CATSPER3: variants seen among roughly 807,000 people sequenced by gnomAD.
CATSPER3 encodes the protein cation channel sperm-associated protein 3.
A neutral mutation model predicts 36.6 loss-of-function variants in CATSPER3; 23 were observed. That is an observed-to-expected ratio of 0.63 (90% CI 0.45 to 0.89). The LOEUF is 0.89. Ranked by LOEUF, CATSPER3 falls within the 40% of genes least tolerant of loss-of-function variation. The pLI, the probability that CATSPER3 is intolerant of heterozygous loss-of-function variation, is 0.00. For synonymous variants in CATSPER3, 172 were observed against 184.1 expected, an observed-to-expected ratio of 0.93 and a Z score of 0.53; for missense variants, 474 against 503.9, an observed-to-expected ratio of 0.94 and a Z score of 0.57.
In CATSPER3 at chr5:135,011,662, C is replaced by G; in HGVS notation, c.*39C>G. On this transcript the variant is annotated 3_prime_UTR_variant, in exon 8 of 8. Transcript: ENST00000282611. ...ACCCATGTGCCGAGAGCCTTGCAGA[C>G]CATGACAGGTCCCTATTAAACACAG... 7.3e-7 allele frequency: 1 copy of G among 1,361,760 alleles called. No homozygotes were observed. The highest frequency in any genetic ancestry group is 1.4e-5 in the African/African-American group (1 of 69,660). 84.4% of individuals were successfully genotyped at this position (1,361,760 alleles called of 1,614,324 possible).
chr5:134,971,571 A>T (rs1751607428), intron 2 of CATSPER3, among the ~76,000 whole-genome samples: 1 of 152,200 alleles, frequency 6.6e-6, no homozygotes. Context: ...GGAAGCCATT[A>T]TTTATTTATT....
chr5:134,993,989 G>A (rs1751913883), intron 2 of CATSPER3, among the ~76,000 whole-genome samples: 1 of 152,192 alleles, frequency 6.6e-6, no homozygotes, highest in South Asian at 2.1e-4. Context: ...GCCAGGCGTG[G>A]TGGCAGGTGC....
intron 3 of CATSPER3, among the ~76,000 whole-genome samples, chr5:135,007,568 C>G (rs1323560783): frequency 6.6e-6 from 1 of 152,218 alleles, no homozygotes; most frequent in Non-Finnish European, 1.5e-5. Context: ...TCCTCCTGGG[C>G]CCGGGGCAGA....
At chr5:135,007,303 T>C (rs369285251) in intron 3 of CATSPER3, among the ~76,000 whole-genome samples, 26 of 152,318 alleles carry the variant, frequency 1.7e-4, no homozygotes, top group African/African-American at 6.3e-4. Context: ...GTGAAACGTC[T>C]AGGTAGGTGA....
At chr5:134,973,347 T>C (rs1317600757) in intron 2 of CATSPER3, among the ~76,000 whole-genome samples, 2 of 152,180 alleles carry the variant, frequency 1.3e-5, no homozygotes, top group African/African-American at 4.8e-5. Flanking sequence ...AGTTTCAAAA[T>C]CATTTTCAGT....
At chr5:134,968,546 C>T (rs950918759) in intron 1 of CATSPER3, 3 of 213,632 alleles carry the variant, frequency 1.4e-5, no homozygotes, top group African/African-American at 7.1e-5. Flanking sequence ...CACAGATTAG[C>T]CCGGAGTGAT....
Position 134,969,955 on chromosome 5 carries a change from T to C in CATSPER3, c.115T>C (p.Cys39Arg), listed in dbSNP as rs1561456195. The change falls in exon 2 of 8, where the codon TGT (cysteine) becomes CGT (arginine). Residue 39 changes from cysteine to arginine, a missense_variant. Coordinates refer to ENST00000282611, the MANE Select transcript of CATSPER3 (RefSeq NM_178019.3). ...FKKFKRNDDECRAFVKRVIMS... is the reference protein window; with the variant it reads ...FKKFKRNDDERRAFVKRVIMS... ...TTTTGACAGGAGGAACGATGATGAA[T>C]GTCGGGCATTTGTGAAGAGAGTCAT... is the stretch of plus-strand genomic sequence containing the variant. 1 of 1,614,044 alleles carries C rather than the reference T, an allele frequency of 6.2e-7. No homozygotes were observed. Among genetic ancestry groups the C allele is most frequent in the Non-Finnish European group, 8.5e-7 (1 of 1,180,032 alleles).
At chr5:134,969,834 A>G in intron 1 of CATSPER3, 105 bp from the exon 2 acceptor site, 1 of 1,155,750 alleles carries the variant, frequency 8.7e-7, no homozygotes, top group South Asian at 1.2e-5. Context: ...ATTTATATTC[A>G]CACAAGGGAG....
At chr5:135,009,551 G>C in intron 6 of CATSPER3, 61 bp downstream of exon 6, 1 of 1,583,054 alleles carries the variant, frequency 6.3e-7, no homozygotes, top group Non-Finnish European at 8.7e-7. Flanking sequence ...CTGATGAGAT[G>C]GCCAGGAGGA....
intron 3 of CATSPER3, among the ~76,000 whole-genome samples, chr5:135,004,135 C>T (rs1438163438): frequency 1.3e-5 from 2 of 152,266 alleles, no homozygotes; most frequent in Admixed American, 6.5e-5. Context: ...CCCCCACCCG[C>T]ATTCAGTTGC....
Position 135,011,560 on chromosome 5 carries a change from C to G in CATSPER3, c.1134C>G (p.Ser378Arg). ...ACTATGAGATCGTGCATGTGCTGAGCCTAATGCTGGAAGACTTGCCCCAGG... is the reference window on the plus strand; with the variant it reads ...ACTATGAGATCGTGCATGTGCTGAGGCTAATGCTGGAAGACTTGCCCCAGG... ...ELYYEIVHVL[S>R]LMLEDLPQEK... The change falls in exon 8 of 8, where the codon AGC becomes AGG. Residue 378 changes from serine (S) to arginine (R), a missense_variant. Ser to Arg is a moderately radical substitution (Grantham distance 110). Coordinates refer to ENST00000282611, the MANE Select transcript of CATSPER3 (RefSeq NM_178019.3). 2 of 1,614,058 alleles carry G rather than the reference C, an allele frequency of 1.2e-6. No individual in the cohort carries two copies. Among genetic ancestry groups the G allele is most frequent in the Non-Finnish European group, 1.7e-6 (2 of 1,179,942 alleles).
At chr5:134,972,576 T>C (rs2149545124) in intron 2 of CATSPER3, among the ~76,000 whole-genome samples, 1 of 152,240 alleles carries the variant, frequency 6.6e-6, no homozygotes, top group South Asian at 2.1e-4. Flanking sequence ...TGTAGGAAAT[T>C]TTTTAAATCA....
intron 2 of CATSPER3, 102 bp downstream of exon 2, chr5:134,970,194 C>G: frequency 8.4e-7 from 1 of 1,187,160 alleles, no homozygotes; most frequent in Non-Finnish European, 1.2e-6. Flanking sequence ...GAATCTCACT[C>G]TGTCAGGCTG....
intron 2 of CATSPER3, among the ~76,000 whole-genome samples, chr5:134,988,144 G>T (rs903982061): frequency 6.6e-6 from 1 of 152,134 alleles, no homozygotes; most frequent in African/African-American, 2.4e-5. Flanking sequence ...AATAGCATTA[G>T]ATCTTAAAAA....
At chr5:135,007,723 T>C (rs1752108250) in intron 3 of CATSPER3, among the ~76,000 whole-genome samples, 1 of 152,238 alleles carries the variant, frequency 6.6e-6, no homozygotes, top group African/African-American at 2.4e-5. Flanking sequence ...GGTAAAGCAC[T>C]GTTAAATTGA....
intron 2 of CATSPER3, among the ~76,000 whole-genome samples, chr5:134,992,750 G>A (rs918581901): frequency 1.3e-5 from 2 of 152,114 alleles, no homozygotes; most frequent in Non-Finnish European, 2.9e-5. Flanking sequence ...AACAACAAAT[G>A]GACACTAACA....
chr5:134,974,898 A>G (rs1287684790), intron 2 of CATSPER3, among the ~76,000 whole-genome samples: 1 of 152,086 alleles, frequency 6.6e-6, no homozygotes. Context: ...TGAGGAGCCT[A>G]AACCCTCTGT....
chr5:134,979,304 T>C (rs567985350), intron 2 of CATSPER3, among the ~76,000 whole-genome samples: 10 of 152,128 alleles, frequency 6.6e-5, no homozygotes, highest in Non-Finnish European at 1.2e-4. Flanking sequence ...GCCCAGCTAA[T>C]TTTTGTATGT....
At chr5:134,968,355 C>T (rs896596559) in intron 1 of CATSPER3, 2 of 432,574 alleles carry the variant, frequency 4.6e-6, no homozygotes, top group African/African-American at 4.0e-5. Context: ...TAGACCCCAT[C>T]TCAAATCAGA....
Sources: allele counts gnomAD v4.1 joint callset (sites outside exome capture counted in the v4.1 genomes callset), GRCh38; gene constraint gnomAD v4.1.1; transcripts MANE v1.5; gene names NCBI Gene and HGNC (gene_info 2026-07-23, HGNC 2026-07-21).